SPMIP1: variants seen among roughly 807,000 people sequenced by gnomAD.
The protein encoded by SPMIP1 is protein SPMIP1.
At chr7:128,868,606 C>A in the SPMIP1 span, 1 of 1,100,044 alleles carries the variant, frequency 9.1e-7, no homozygotes, top group Non-Finnish European at 1.3e-6. Context: ...GACAGGGCTC[C>A]CATGCTCTGC....
chr7:128,867,830 A>G, the SPMIP1 span, among the ~76,000 whole-genome samples: 8 of 152,102 alleles, frequency 5.3e-5, no homozygotes, highest in African/African-American at 1.9e-4. Flanking sequence ...TCGGCCTCCC[A>G]AAGTTCTGGG....
chr7:128,869,192 C>T, the SPMIP1 span: 2 of 294,292 alleles, frequency 6.8e-6, no homozygotes, highest in Non-Finnish European at 1.2e-5. Context: ...GCCGCTCCGT[C>T]CTCTCCCGAT....
At chr7:128,866,790 C>T in the SPMIP1 span, 20 of 1,535,648 alleles carry the variant, frequency 1.3e-5, no homozygotes, top group Admixed American at 2.0e-5. Flanking sequence ...CGCGATACCT[C>T]TTCCCCATCA....
At chr7:128,871,129 G>C in the SPMIP1 span, 1 of 152,258 alleles carries the variant, frequency 6.6e-6, no homozygotes, top group Non-Finnish European at 1.5e-5. Context: ...TGAGGGCGCT[G>C]TCTGAACCTC....
the SPMIP1 span, among the ~76,000 whole-genome samples, chr7:128,868,189 G>A: frequency 2.6e-5 from 4 of 152,258 alleles, no homozygotes; most frequent in Admixed American, 2.0e-4. Context: ...CCTCAGCCCT[G>A]TACCCTTCTC....
the SPMIP1 span, chr7:128,866,684 C>T: frequency 6.5e-7 from 1 of 1,535,846 alleles, no homozygotes; most frequent in Non-Finnish European, 8.7e-7. Flanking sequence ...TACCCGGTAC[C>T]ACCTATCACC....
At chr7:128,869,920 C>A in the SPMIP1 span, 1 of 148,802 alleles carries the variant, frequency 6.7e-6, no homozygotes, top group Non-Finnish European at 1.5e-5. Context: ...CCTGGGGGCC[C>A]CGGAGAGCCC....
chr7:128,868,621 C>A, the SPMIP1 span: 1 of 1,295,316 alleles, frequency 7.7e-7, no homozygotes, highest in Non-Finnish European at 1.1e-6. Context: ...CTCTGCGTGT[C>A]CCTCCCTCAG....
the SPMIP1 span, among the ~76,000 whole-genome samples, chr7:128,868,138 CGTCCCATTGCT>C: frequency 6.6e-6 from 1 of 152,226 alleles, no homozygotes; most frequent in African/African-American, 2.4e-5. Context: ...TGTTGCTGCA[CGTCCCATTGCT>C]GTCTGTGCTC....
chr7:128,869,201 A>C, the SPMIP1 span: 1 of 276,976 alleles, frequency 3.6e-6, no homozygotes. Context: ...TCCTCTCCCG[A>C]TGCATTTGCT....
the SPMIP1 span, chr7:128,868,860 C>CCTCT: frequency 1.2e-6 from 1 of 834,128 alleles, no homozygotes; most frequent in Non-Finnish European, 1.9e-6. Context: ...TGTCTGTGCC[C>CCTCT]CTCTGCTCTC....
At chr7:128,866,503 A>G in the SPMIP1 span, 26 of 1,535,828 alleles carry the variant, frequency 1.7e-5, no homozygotes, top group Non-Finnish European at 8.7e-7. Context: ...ATGGTACCGC[A>G]AGTATGGGTC....
chr7:128,866,850 A>G, the SPMIP1 span: 1 of 1,519,810 alleles, frequency 6.6e-7, no homozygotes, highest in Non-Finnish European at 8.8e-7. Flanking sequence ...ACCTCTTGGA[A>G]ATCACCTCAA....
chr7:128,869,848 C>T, the SPMIP1 span: 1 of 152,430 alleles, frequency 6.6e-6, no homozygotes, highest in African/African-American at 2.4e-5. Context: ...TGGCCCACCT[C>T]CTGCTCCCCC....
At chr7:128,870,977 C>T in the SPMIP1 span, 2 of 152,348 alleles carry the variant, frequency 1.3e-5, no homozygotes, top group Non-Finnish European at 2.9e-5. Context: ...AAAACTCCTC[C>T]TGGTAGTGGG....
chr7:128,866,333 C>T, the SPMIP1 span: 42 of 1,204,994 alleles, frequency 3.5e-5, no homozygotes, highest in Admixed American at 5.4e-4. Context: ...GGCAGCCACT[C>T]GCCGTCAGAA....
chr7:128,869,013 T>C, the SPMIP1 span: 1 of 431,380 alleles, frequency 2.3e-6, no homozygotes, highest in East Asian at 3.3e-5. Context: ...GGGCGAGCAC[T>C]ACTTCGCAGG....
chr7:128,867,654 C>T, the SPMIP1 span, among the ~76,000 whole-genome samples: 1 of 152,152 alleles, frequency 6.6e-6, no homozygotes, highest in Non-Finnish European at 1.5e-5. Flanking sequence ...TCACTGCAAC[C>T]TCTGCCTCCC....
chr7:128,869,051 C>CA, the SPMIP1 span: 102 of 414,378 alleles, frequency 2.5e-4, no homozygotes, highest in South Asian at 6.1e-3. Flanking sequence ...CAGGGGAACA[C>CA]AGTAGTTCCA....
Sources: allele counts gnomAD v4.1 joint callset (sites outside exome capture counted in the v4.1 genomes callset), GRCh38; gene constraint gnomAD v4.1.1; transcripts MANE v1.5; gene names NCBI Gene and HGNC (gene_info 2026-07-23, HGNC 2026-07-21).